The following NARS1 variants were observed in gnomAD, a reference collection of about 807,000 sequenced individuals.
The protein encoded by NARS1 is asparagine--tRNA ligase, cytoplasmic.
Under a neutral mutation model 79.2 loss-of-function variants are expected in NARS1, and 65 were observed. The observed-to-expected ratio is 0.82, with a 90% CI of 0.67 to 1.01. The LOEUF is 1.01. Ranked by LOEUF, NARS1 falls within the 50% of genes least tolerant of loss-of-function variation. The pLI is 0.00. For synonymous variants in NARS1, 229 were observed against 238.8 expected (o/e 0.96, Z 0.38); for missense variants, 649 against 673.8 (o/e 0.96, Z 0.41).
At chr18:57,605,697 G>C (rs1382506249) in intron 11 of NARS1, among the ~76,000 whole-genome samples, 160 bp downstream of exon 11, 1 of 151,840 alleles carries the variant, frequency 6.6e-6, no homozygotes, top group African/African-American at 2.4e-5. Context: ...GGCTGACTCT[G>C]TTAACTCAGC....
At chr18:57,614,798 T>C (rs1042639479) in intron 4 of NARS1, among the ~76,000 whole-genome samples, 1 of 152,226 alleles carries the variant, frequency 6.6e-6, no homozygotes, top group Non-Finnish European at 1.5e-5. Context: ...TCATTCAACA[T>C]GCATTTACTT....
chr18:57,617,443 G>T (rs998563261), intron 2 of NARS1, among the ~76,000 whole-genome samples: 5 of 151,374 alleles, frequency 3.3e-5, no homozygotes, highest in Non-Finnish European at 7.4e-5. Context: ...GTGGTGGCGG[G>T]CACCTGTAGT....
chr18:57,616,807 C>T (rs1429147115), intron 2 of NARS1, among the ~76,000 whole-genome samples: 1 of 151,934 alleles, frequency 6.6e-6, no homozygotes, highest in Non-Finnish European at 1.5e-5. Context: ...TCGAGACCAT[C>T]CTGGCTAACA....
chr18:57,620,881 T>C (rs571541010), intron 1 of NARS1, among the ~76,000 whole-genome samples: 11 of 152,224 alleles, frequency 7.2e-5, no homozygotes, highest in African/African-American at 9.6e-5. Context: ...TCATTTTAAT[T>C]TGTGATATTT....
intron 6 of NARS1, 142 bp downstream of exon 6, chr18:57,611,495 G>T: frequency 1.8e-6 from 1 of 550,956 alleles, no homozygotes; most frequent in Non-Finnish European, 3.1e-6. Flanking sequence ...AAAATTGCAT[G>T]TTTATGGTAT....
At chr18:57,620,885 G>T (rs1157259391) in intron 1 of NARS1, among the ~76,000 whole-genome samples, 1 of 152,158 alleles carries the variant, frequency 6.6e-6, no homozygotes, top group Non-Finnish European at 1.5e-5. Flanking sequence ...TTTAATTTGT[G>T]ATATTTATTC....
rs2122416018 is a variant in NARS1, at chr18:57,601,594, C to A, written c.*58G>T. ...AAGGAAGATTCTGGCTTTTTGTTTT[C>A]TTTTTTAAAGAGCCTGTTCCTTTCA... is the stretch of plus-strand genomic sequence containing the variant. On this transcript the variant is annotated 3_prime_UTR_variant, in exon 14 of 14. Transcript: ENST00000256854. 1.3e-6 allele frequency: 2 copies of A among 1,490,940 alleles called. No individual in the cohort carries two copies. The highest frequency in any genetic ancestry group is 1.8e-4 in the Middle Eastern group (1 of 5,560). The allele number at this position is 1,490,940 out of a possible 1,614,324, so 92.4% of individuals were successfully genotyped here. A position where few individuals can be genotyped will look rare whatever the true frequency, so the allele number is the denominator to read the frequency against.
rs1282806918 is a variant in NARS1, at chr18:57,601,730, G to C, written c.1569C>G (p.Phe523Leu). The C allele has an allele frequency of 1.2e-6, 2 of 1,613,580 alleles. No individual in the cohort carries two copies. The highest frequency in any genetic ancestry group is 1.3e-5 in the African/African-American group (1 of 75,000). ...GATACCTATTCAGAATCCACGTTAAGAATCGTTCCAAGCCCAAGCCATATC... is the reference window on the plus strand; with the variant it reads ...GATACCTATTCAGAATCCACGTTAACAATCGTTCCAAGCCCAAGCCATATC... ...HGGYGLGLER[F>L]LTWILNRYHI... The change falls in exon 14 of 14, where the codon TTC (phenylalanine) becomes TTG (leucine). Residue 523 changes from phenylalanine (F) to leucine (L), a missense_variant. Phe to Leu is a conservative substitution (Grantham distance 22). Transcript: ENST00000256854.
chr18:57,618,344 G>T (rs1441991961), intron 2 of NARS1, among the ~76,000 whole-genome samples: 2 of 151,442 alleles, frequency 1.3e-5, no homozygotes, highest in East Asian at 3.9e-4. Flanking sequence ...AAGAGAGAAG[G>T]TCCCATGAAT....
At chr18:57,619,828 C>T (rs1908228136) in intron 2 of NARS1, among the ~76,000 whole-genome samples, 1 of 152,072 alleles carries the variant, frequency 6.6e-6, no homozygotes, top group Admixed American at 6.6e-5. Flanking sequence ...GCTGGGACCA[C>T]AGGCACGCAC....
intron 6 of NARS1, 88 bp downstream of exon 6, chr18:57,611,549 T>A: frequency 1.2e-6 from 1 of 867,116 alleles, no homozygotes; most frequent in Admixed American, 2.9e-5. Flanking sequence ...GTCGACATAA[T>A]AAATGTTTTA....
chr18:57,602,051 A>G (rs2051511872), intron 13 of NARS1, among the ~76,000 whole-genome samples: 1 of 152,218 alleles, frequency 6.6e-6, no homozygotes, highest in Non-Finnish European at 1.5e-5. Context: ...AACTTTTAAA[A>G]TAAGTCAATG....
At chr18:57,610,798 CAA>C (rs948506182) in intron 6 of NARS1, among the ~76,000 whole-genome samples, 6 of 152,050 alleles carry the variant, frequency 3.9e-5, no homozygotes, top group Non-Finnish European at 5.9e-5. Context: ...AAGAAAATTT[CAA>C]AGTCATATCA....
chr18:57,610,458 C>T (rs552807287), intron 6 of NARS1, among the ~76,000 whole-genome samples: 19 of 152,028 alleles, frequency 1.2e-4, no homozygotes, highest in Non-Finnish European at 2.5e-4. Context: ...GGTGACAGAG[C>T]GAGACTCTGT....
intron 5 of NARS1, among the ~76,000 whole-genome samples, chr18:57,612,696 G>A (rs980261852): frequency 2.0e-5 from 3 of 152,072 alleles, no homozygotes; most frequent in Non-Finnish European, 2.9e-5. Flanking sequence ...TTGGCCTCCC[G>A]AAGTACTGGG....
intron 6 of NARS1, among the ~76,000 whole-genome samples, chr18:57,610,877 G>A (rs376324028): frequency 2.0e-5 from 3 of 151,610 alleles, no homozygotes; most frequent in Non-Finnish European, 2.9e-5. Flanking sequence ...AAGGCAGTAC[G>A]AACTGATAAC....
chr18:57,605,597 C>G (rs1004477280), intron 11 of NARS1, among the ~76,000 whole-genome samples: 1 of 129,458 alleles, frequency 7.7e-6, no homozygotes, highest in Non-Finnish European at 1.5e-5. Context: ...GGCGACAGAG[C>G]GAGACTCCGT....
In NARS1 at chr18:57,600,881, T is replaced by G. The variant is rs1457642001; in HGVS notation, c.*771A>C. The G allele has an allele frequency of 6.6e-6, 1 of 152,216 alleles. No individual in the cohort carries two copies. The highest frequency in any genetic ancestry group is 2.4e-5 in the African/African-American group (1 of 41,448). The allele number at this position is 152,216 out of a possible 1,614,324, so 9.4% of individuals were successfully genotyped here. On this transcript the variant is annotated 3_prime_UTR_variant, in exon 14 of 14. Transcript: ENST00000256854. The stretch of plus-strand genomic sequence containing the variant: ...TCCAGCTACAATTTCTTTTGGAACT[T>G]ATTTATTCTTAATTACTTAGGAATT...
At chr18:57,620,530 T>C in intron 2 of NARS1, 39 bp downstream of exon 2, 1 of 1,342,836 alleles carries the variant, frequency 7.4e-7, no homozygotes, top group Non-Finnish European at 1.1e-6. Flanking sequence ...AACTCATTAA[T>C]AAATGCAGTC....
Sources: gnomAD v4.1 joint callset for allele counts (sites outside exome capture counted in the v4.1 genomes callset) on GRCh38, gnomAD v4.1.1 for gene constraint, MANE v1.5 for transcripts, NCBI Gene and HGNC (gene_info 2026-07-23, HGNC 2026-07-21) for gene names.